GSG1L: variants seen among roughly 807,000 people sequenced by gnomAD.
GSG1L encodes the protein GSG1 like.
GSG1L carries 24 observed loss-of-function variants against 42.1 expected under a neutral mutation model. That is an observed-to-expected ratio of 0.57 (90% CI 0.41 to 0.80). The LOEUF is 0.80. Ranked by LOEUF, GSG1L falls within the 30% of genes least tolerant of loss-of-function variation. The probability of loss-of-function intolerance (pLI) is 0.00; values close to 1 mark genes in which losing one functional copy is unlikely to be tolerated. For synonymous variants in GSG1L, 215 were observed against 203.5 expected, an observed-to-expected ratio of 1.06 and a Z score of -0.48; for missense variants, 445 against 472.2, an observed-to-expected ratio of 0.94 and a Z score of 0.53.
At chr16:28,051,025 C>T (rs181246048) in intron 1 of GSG1L, among the ~76,000 whole-genome samples, 1 of 152,332 alleles carries the variant, frequency 6.6e-6, no homozygotes, top group East Asian at 1.9e-4. Flanking sequence ...AACCCTCATT[C>T]GTCTTGTTTC....
rs1382242507 is a variant in GSG1L at position 28,063,148 on chromosome 16, C to T, written c.277G>A (p.Asp93Asn). The T allele has an allele frequency of 1.4e-6, 2 of 1,426,180 alleles. 1 individual carries two copies. Among genetic ancestry groups the T allele is most frequent in the South Asian group, 2.7e-5 (2 of 73,534 alleles). 88.3% of individuals were successfully genotyped at this position (1,426,180 alleles called of 1,614,324 possible). Residue 93 changes from aspartate (D) to asparagine (N), a missense_variant, in exon 1 of 7, where the codon GAC (aspartate) becomes AAC (asparagine). Asp to Asn is a conservative substitution (Grantham distance 23, BLOSUM62 1). This residue lies in a region of GSG1L where 149 missense variants were observed against 223.3 expected (regional missense o/e 0.67). Transcript: ENST00000447459. This position sits in a 1 kb window ranked among gnomAD's most constrained non-coding sequence, Gnocchi z 5.8. ...AAATTCCTGAAGAGGAAGCGGTCGT[C>T]GCCGGTCTCCCAGCTGTAGAGCGCG... ...GGALYSWETG[D>N]DRFLFRNFHT... is the part of the protein sequence containing the mutation.
chr16:28,008,077 T>C (rs1007989799), intron 1 of GSG1L, among the ~76,000 whole-genome samples: 2 of 151,662 alleles, frequency 1.3e-5, no homozygotes, highest in African/African-American at 4.8e-5. Context: ...AACTGTATGG[T>C]TTTTGTTTGT....
chr16:27,806,133 C>T (rs991833055), intron 6 of GSG1L, among the ~76,000 whole-genome samples: 1 of 152,150 alleles, frequency 6.6e-6, no homozygotes, highest in Non-Finnish European at 1.5e-5. Flanking sequence ...ACACATCCAT[C>T]CCCTGGTTTC....
At position 27,839,341 on chromosome 16, in the gene GSG1L, C is replaced by T. The variant is rs143308892; in HGVS notation, c.662+5609G>A. Among the ~76,000 whole-genome samples, 477 of 152,354 alleles carry T rather than the reference C, an allele frequency of 3.1e-3. 2 individuals carry two copies. The highest frequency in any genetic ancestry group is 5.9e-3 in the Non-Finnish European group (399 of 68,034). On this transcript the variant is annotated intron_variant, in intron 4 of 6. Transcript: ENST00000447459. ...GCCCTCCAGCTCTTATAAGCTTCCA[C>T]ACCACGATGTCCCACTACCCTCAGT...
intron 1 of GSG1L, among the ~76,000 whole-genome samples, chr16:27,976,215 C>T (rs367598284): frequency 5.3e-5 from 8 of 152,250 alleles, no homozygotes; most frequent in Admixed American, 2.0e-4. Flanking sequence ...GTGGAGGTTG[C>T]AGTGAGCCAA....
At chr16:27,882,554 T>C (rs1017453539) in intron 3 of GSG1L, among the ~76,000 whole-genome samples, 1 of 152,120 alleles carries the variant, frequency 6.6e-6, no homozygotes, top group Non-Finnish European at 1.5e-5. Context: ...CTATGTGAAG[T>C]TCCCAGAATA....
chr16:27,993,099 C>T (rs767372440), intron 1 of GSG1L, among the ~76,000 whole-genome samples: 13 of 152,246 alleles, frequency 8.5e-5, no homozygotes, highest in Middle Eastern at 3.4e-3. Flanking sequence ...AGGTTTAGTA[C>T]CTGAGTCAGG....
At chr16:28,016,609 A>G (rs1340797947) in intron 1 of GSG1L, among the ~76,000 whole-genome samples, 1 of 152,172 alleles carries the variant, frequency 6.6e-6, no homozygotes, top group African/African-American at 2.4e-5. Context: ...GAATGCATGT[A>G]TGGAATGTTA....
intron 2 of GSG1L, among the ~76,000 whole-genome samples, chr16:27,886,021 A>T (rs1043570923): frequency 5.9e-5 from 9 of 152,102 alleles, no homozygotes; most frequent in South Asian, 4.1e-4. Flanking sequence ...TTTGCAGCTG[A>T]CCCACATCTG....
At chr16:27,831,623 T>C (rs536683174) in intron 4 of GSG1L, among the ~76,000 whole-genome samples, 179 of 152,126 alleles carry the variant, frequency 1.2e-3, no homozygotes, top group African/African-American at 4.1e-3. Context: ...GGAGGGAACT[T>C]CCCTGGGGAG....
At chr16:27,980,264 CA>C (rs1379415406) in intron 1 of GSG1L, among the ~76,000 whole-genome samples, 2 of 152,142 alleles carry the variant, frequency 1.3e-5, no homozygotes, top group African/African-American at 2.4e-5. Context: ...GGCAACGAGA[CA>C]GGGGGAAGGG....
intron 1 of GSG1L, among the ~76,000 whole-genome samples, chr16:28,058,215 C>T (rs918156266): frequency 1.3e-5 from 2 of 152,202 alleles, no homozygotes; most frequent in South Asian, 2.1e-4. Context: ...AGCTTTGCCA[C>T]TTACTAGCTG....
chr16:27,855,854 A>G (rs1423663471), intron 3 of GSG1L, among the ~76,000 whole-genome samples: 1 of 151,926 alleles, frequency 6.6e-6, no homozygotes, highest in Non-Finnish European at 1.5e-5. Context: ...CTCGGGAGGT[A>G]CAGGGGCCCC....
At chr16:27,923,749 G>T (rs202072962) in intron 2 of GSG1L, among the ~76,000 whole-genome samples, 1 of 138,608 alleles carries the variant, frequency 7.2e-6, no homozygotes, top group Non-Finnish European at 1.6e-5. Flanking sequence ...AAAAAAAAAG[G>T]AAGAAAGAAA....
intron 6 of GSG1L, among the ~76,000 whole-genome samples, chr16:27,801,931 T>C (rs1390660267): frequency 6.6e-6 from 1 of 152,156 alleles, no homozygotes; most frequent in African/African-American, 2.4e-5. Flanking sequence ...GGTGAGATAC[T>C]GTGATTAGAT....
At chr16:27,899,283 G>T (rs1237794635) in intron 2 of GSG1L, among the ~76,000 whole-genome samples, 1 of 152,230 alleles carries the variant, frequency 6.6e-6, no homozygotes, top group East Asian at 1.9e-4. Context: ...TAAGGGCACG[G>T]CCTGGGGAGC....
At chr16:27,870,054 T>C (rs1286710828) in intron 3 of GSG1L, among the ~76,000 whole-genome samples, 35 of 150,208 alleles carry the variant, frequency 2.3e-4, no homozygotes, top group Admixed American at 2.3e-3. Context: ...TCTCTCTCTG[T>C]CTCTGCCTCT....
chr16:28,024,413 G>C lies in GSG1L; in HGVS notation c.349+38663C>G, dbSNP rs1050381608. Among the ~76,000 whole-genome samples, 53 of 152,202 alleles carry C rather than the reference G, an allele frequency of 3.5e-4. 1 individual carries two copies. The highest frequency in any genetic ancestry group is 1.0e-4 in the Non-Finnish European group (7 of 68,032). On this transcript the variant is annotated intron_variant, in intron 1 of 6. Coordinates refer to ENST00000447459, the MANE Select transcript of GSG1L (RefSeq NM_001109763.2). ...ATGCGTTTAGAGCAGGGCCACTGCC[G>C]GGTTCTCAGCTGCTCCCAAGCAACG...
intron 1 of GSG1L, among the ~76,000 whole-genome samples, chr16:27,980,611 G>A (rs62031268): frequency 0.21 from 31,737 of 152,114 alleles, 3,599 homozygotes; most frequent in Non-Finnish European, 0.26. Flanking sequence ...GGCTGGGCAC[G>A]GTGGCTCAGG....
Sources: gnomAD v4.1 joint callset for allele counts (sites outside exome capture counted in the v4.1 genomes callset) on GRCh38, gnomAD v4.1.1 for gene constraint, gnomAD v4.1.1 regional missense constraint, Gnocchi (gnomAD v3.1) non-coding constraint, MANE v1.5 for transcripts, NCBI Gene and HGNC (gene_info 2026-07-23, HGNC 2026-07-21) for gene names.